Variants in WDR25 observed in about 807,000 individuals in gnomAD.
WDR25 encodes the protein WD repeat-containing protein 25.
WDR25 carries 35 observed loss-of-function variants against 47.7 expected under a neutral mutation model. The ratio of observed to expected loss-of-function variants is 0.73; its 90% CI spans 0.56 to 0.97. The LOEUF is 0.97. Among genes scored for constraint, WDR25 ranks in the 50% least tolerant of loss-of-function variants. The pLI is 0.00. For synonymous variants in WDR25, 248 were observed against 278.9 expected, an observed-to-expected ratio of 0.89 and a Z score of 1.10; for missense variants, 634 against 704.7, an observed-to-expected ratio of 0.90 and a Z score of 1.14.
chr14:100,514,185 C>G (rs11623637), intron 4 of WDR25, among the ~76,000 whole-genome samples: 4,993 of 152,234 alleles, frequency 0.033, 118 homozygotes, highest in Non-Finnish European at 0.05. Context: ...ATCCGCCCGC[C>G]TCGGCCTCCC....
chr14:100,377,805 A>G (rs976597465), intron 1 of WDR25, among the ~76,000 whole-genome samples: 3 of 152,182 alleles, frequency 2.0e-5, no homozygotes, highest in Non-Finnish European at 4.4e-5. Context: ...GGTTGATTCC[A>G]GGGGACATAG....
chr14:100,526,294 T>A (rs938802859), intron 5 of WDR25, among the ~76,000 whole-genome samples: 3 of 152,132 alleles, frequency 2.0e-5, no homozygotes, highest in African/African-American at 7.2e-5. Flanking sequence ...GGGGGGCGGT[T>A]CAGTCCAGAT....
intron 2 of WDR25, among the ~76,000 whole-genome samples, chr14:100,399,115 G>A (rs1897320879): frequency 6.7e-6 from 1 of 149,888 alleles, no homozygotes; most frequent in East Asian, 2.0e-4. Flanking sequence ...TCCTCCTTCT[G>A]GATTTAACCC....
At chr14:100,417,385 A>G (rs60487503) in intron 2 of WDR25, among the ~76,000 whole-genome samples, 3,720 of 152,296 alleles carry the variant, frequency 0.024, 161 homozygotes, top group African/African-American at 0.086. Context: ...AGTATCTCAG[A>G]TCCAAGGTGG....
At position 100,502,773 on chromosome 14, in the gene WDR25, A is replaced by G. The variant is rs1419976694; in HGVS notation, c.1101+18649A>G. Among the ~76,000 whole-genome samples, 1 of 152,136 alleles carries G rather than the reference A, an allele frequency of 6.6e-6. No homozygotes were observed. Among genetic ancestry groups the G allele is most frequent in the Non-Finnish European group, 1.5e-5 (1 of 68,016 alleles). ...AGGAGCTAATGATTTTGCTTGCCAC[A>G]TTGGGAGGCTTGGCTGGCAGAGGGT... On this transcript the variant is annotated intron_variant, in intron 4 of 6. Coordinates refer to ENST00000402312, the MANE Select transcript of WDR25 (RefSeq NM_001161476.3). This position sits in a 1 kb window ranked among gnomAD's most constrained non-coding sequence, Gnocchi z 4.5.
chr14:100,438,007 A>T (rs1157038216), intron 2 of WDR25, among the ~76,000 whole-genome samples: 1 of 152,218 alleles, frequency 6.6e-6, no homozygotes, highest in Non-Finnish European at 1.5e-5. Context: ...CCTGTTTCAG[A>T]TGATTGTCCC....
chr14:100,382,600 A>G (rs1481094937), intron 2 of WDR25, among the ~76,000 whole-genome samples: 2 of 152,202 alleles, frequency 1.3e-5, no homozygotes, highest in Non-Finnish European at 2.9e-5. Flanking sequence ...ATGGAGGTAC[A>G]GTGTGATAGG....
chr14:100,381,207 A>G lies in WDR25; in HGVS notation c.283A>G (p.Arg95Gly), dbSNP rs1322245154. The G allele has an allele frequency of 6.2e-7, 1 of 1,613,908 alleles. No homozygotes were observed. Among genetic ancestry groups the G allele is most frequent in the Middle Eastern group, 1.6e-4 (1 of 6,062 alleles). The change falls in exon 2 of 7, where the codon AGG becomes GGG. Residue 95 changes from arginine (R) to glycine (G), a missense_variant. Coordinates refer to ENST00000402312, the MANE Select transcript of WDR25 (RefSeq NM_001161476.3). ...RSDWGSCPSQ[R>G]LQWPGKEPQV... ...CGATTGGGGATCTTGCCCCAGCCAGAGGCTACAGTGGCCCGGGAAGGAGCC... is the reference window on the plus strand; with the variant it reads ...CGATTGGGGATCTTGCCCCAGCCAGGGGCTACAGTGGCCCGGGAAGGAGCC...
chr14:100,509,222 A>G (rs1329780095), intron 4 of WDR25, among the ~76,000 whole-genome samples: 1 of 152,206 alleles, frequency 6.6e-6, no homozygotes, highest in Admixed American at 6.5e-5. Context: ...TTGTAGGTAG[A>G]TATTGAATCA....
In WDR25 at chr14:100,392,953, A is replaced by G. The variant is rs906023988; in HGVS notation, c.822+11207A>G. 1.3e-4 allele frequency among the ~76,000 whole-genome samples: 20 copies of G among 152,252 alleles called. No homozygotes were observed. Among genetic ancestry groups the G allele is most frequent in the African/African-American group, 4.6e-4 (19 of 41,472 alleles). ...TACGTCTCTTGTCAGATTGCTTTCC[A>G]AAAGGATTATACCAATTTGCACTGC... On this transcript the variant is annotated intron_variant, in intron 2 of 6. Coordinates refer to ENST00000402312, the MANE Select transcript of WDR25 (RefSeq NM_001161476.3). The surrounding 1 kb of genome is among the most constrained non-coding windows in gnomAD (Gnocchi z 4.2).
At chr14:100,501,974 G>A (rs77198106) in intron 4 of WDR25, among the ~76,000 whole-genome samples, 2,971 of 152,314 alleles carry the variant, frequency 0.02, 100 homozygotes, top group African/African-American at 0.067. Context: ...CTCTCCAGGA[G>A]CCCCAGGGAG....
chr14:100,414,587 A>T (rs1181190776), intron 2 of WDR25, among the ~76,000 whole-genome samples: 2 of 152,166 alleles, frequency 1.3e-5, no homozygotes, highest in Non-Finnish European at 2.9e-5. Flanking sequence ...TGCTGGAATT[A>T]CAGGCATGAG....
In WDR25 at chr14:100,529,651, G is replaced by T; in HGVS notation, c.1414-169G>T. On this transcript the variant is annotated intron_variant, in intron 6 of 6. Transcript: ENST00000402312. This position sits in a 1 kb window ranked among gnomAD's most constrained non-coding sequence, Gnocchi z 5.1. ...CCTTGGGATGTGGGCCCGCATCAGG[G>T]CTCTACAGCCTCATGGGCGGGACCT... is the stretch of plus-strand genomic sequence containing the variant. 1 of 734,010 alleles carries T rather than the reference G, an allele frequency of 1.4e-6. No homozygotes were observed. The highest frequency in any genetic ancestry group is 2.7e-5 in the East Asian group (1 of 36,820). 45.5% of individuals were successfully genotyped at this position (734,010 alleles called of 1,614,324 possible). A position where few individuals can be genotyped will look rare whatever the true frequency, so the allele number is the denominator to read the frequency against.
At chr14:100,427,219 T>C (rs1384866768) in intron 2 of WDR25, among the ~76,000 whole-genome samples, 2 of 152,048 alleles carry the variant, frequency 1.3e-5, no homozygotes, top group Admixed American at 6.5e-5. Context: ...TACTCTCTTC[T>C]TCAGCTTCAT....
rs1260684757 is a variant in WDR25 at position 100,425,555 on chromosome 14, G to T, written c.823-42466G>T. Among the ~76,000 whole-genome samples the T allele has an allele frequency of 6.6e-6, 1 of 152,162 alleles. No homozygotes were observed. Among genetic ancestry groups the T allele is most frequent in the South Asian group, 2.1e-4 (1 of 4,834 alleles). ...CCGACTTTTGCACGTTACAGTAGAG[G>T]TCCCTGGCAGCCCAGCTCTCCTAAA... On this transcript the variant is annotated intron_variant, in intron 2 of 6. Transcript: ENST00000402312. This position sits in a 1 kb window ranked among gnomAD's most constrained non-coding sequence, Gnocchi z 4.8.
At position 100,495,057 on chromosome 14, in the gene WDR25, A is replaced by G. The variant is rs113268361; in HGVS notation, c.1101+10933A>G. Reference sequence around the variant, plus strand: ...TAAAAGAAGAACAGAATGCTCTGTTATATTTTAAAGTAGTTCTGGCTGGGC... The same window carrying G: ...TAAAAGAAGAACAGAATGCTCTGTTGTATTTTAAAGTAGTTCTGGCTGGGC... On this transcript the variant is annotated intron_variant, in intron 4 of 6. Transcript: ENST00000402312. Among the ~76,000 whole-genome samples the G allele has an allele frequency of 7.3e-3, 1,118 of 152,362 alleles. 26 individuals carry two copies. The highest frequency in any genetic ancestry group is 0.025 in the African/African-American group (1,058 of 41,578).
intron 2 of WDR25, among the ~76,000 whole-genome samples, chr14:100,389,393 G>T (rs1897088444): frequency 6.6e-6 from 1 of 152,188 alleles, no homozygotes; most frequent in African/African-American, 2.4e-5. Flanking sequence ...TTAAGAGAAG[G>T]GTTAGGTAAG....
At chr14:100,431,929 C>T (rs868451151) in intron 2 of WDR25, among the ~76,000 whole-genome samples, 1 of 152,158 alleles carries the variant, frequency 6.6e-6, no homozygotes, top group African/African-American at 2.4e-5. Context: ...AGGCTGGTCC[C>T]GAACTACTGA....
intron 2 of WDR25, among the ~76,000 whole-genome samples, chr14:100,447,181 G>A (rs1052741461): frequency 2.6e-5 from 4 of 152,220 alleles, no homozygotes; most frequent in African/African-American, 7.2e-5. Flanking sequence ...AGGTTTGCGC[G>A]TGAGCTTGGA....
Sources: gnomAD v4.1 joint callset for allele counts (sites outside exome capture counted in the v4.1 genomes callset) on GRCh38, gnomAD v4.1.1 for gene constraint, Gnocchi (gnomAD v3.1) non-coding constraint, MANE v1.5 for transcripts, NCBI Gene and HGNC (gene_info 2026-07-23, HGNC 2026-07-21) for gene names.